NUBP1: variants seen among roughly 807,000 people sequenced by gnomAD.
NUBP1 encodes the protein NUBP iron-sulfur cluster assembly factor 1, cytosolic.
NUBP1 carries 46 observed loss-of-function variants against 41.8 expected under a neutral mutation model. The ratio of observed to expected loss-of-function variants is 1.10; its 90% CI spans 0.87 to 1.41. The LOEUF is 1.41. Ranked by LOEUF, NUBP1 falls within the 40% of genes most tolerant of loss-of-function variation. The pLI, the probability that NUBP1 is intolerant of heterozygous loss-of-function variation, is 0.00. For missense variants in NUBP1, 494 were observed against 414.0 expected, an observed-to-expected ratio of 1.19 and a Z score of -1.68; for synonymous variants, 189 against 154.6, an observed-to-expected ratio of 1.22 and a Z score of -1.65.
intron 2 of NUBP1, 130 bp from the exon 3 acceptor site, chr16:10,747,013 C>T: frequency 9.7e-7 from 1 of 1,027,422 alleles, no homozygotes; most frequent in Non-Finnish European, 1.4e-6. Context: ...AGAGGTATTT[C>T]AGAGGATCGT....
At chr16:10,744,563 A>G (rs969746373) in intron 2 of NUBP1, among the ~76,000 whole-genome samples, 1 of 152,162 alleles carries the variant, frequency 6.6e-6, no homozygotes, top group African/African-American at 2.4e-5. Flanking sequence ...TCCTGGGGAC[A>G]CAGCTGGGGA....
chr16:10,769,265 G>A lies in NUBP1; in HGVS notation c.*160G>A. 2 of 615,614 alleles carry A rather than the reference G, an allele frequency of 3.2e-6. No homozygotes were observed. The highest frequency in any genetic ancestry group is 5.8e-6 in the Non-Finnish European group (2 of 344,560). 38.1% of individuals were successfully genotyped at this position (615,614 alleles called of 1,614,324 possible). ...CTTTCTCAGAGACACTTTAATCATTGAGTATTTGTACACTTTTCTTTAGAA... is the reference window on the plus strand; with the variant it reads ...CTTTCTCAGAGACACTTTAATCATTAAGTATTTGTACACTTTTCTTTAGAA... On this transcript the variant is annotated 3_prime_UTR_variant, in exon 11 of 11. Coordinates refer to ENST00000283027, the MANE Select transcript of NUBP1 (RefSeq NM_002484.4).
In NUBP1 at chr16:10,761,360, G is replaced by A. The variant is rs760431991; in HGVS notation, c.607-4G>A. 16 of 1,613,184 alleles carry A rather than the reference G, an allele frequency of 9.9e-6. No homozygotes were observed. The highest frequency in any genetic ancestry group is 3.3e-4 in the Middle Eastern group (2 of 6,060). ...TGGAATCACTGGTCTTTTCACCTTC[G>A]TAGGAGGTGTCACTCCAGGATGTCC... On this transcript the variant is annotated splice_region_variant and splice_polypyrimidine_tract_variant and intron_variant, in intron 7 of 10. Coordinates refer to ENST00000283027, the MANE Select transcript of NUBP1 (RefSeq NM_002484.4).
chr16:10,767,551 TA>T lies in NUBP1; in HGVS notation c.821-397del, dbSNP rs2031083310. The T allele has an allele frequency of 2.2e-6, 1 of 455,928 alleles. No homozygotes were observed. Among genetic ancestry groups the T allele is most frequent in the South Asian group, 6.3e-5 (1 of 15,786 alleles). The allele number at this position is 455,928 out of a possible 1,614,324, so 28.2% of individuals were successfully genotyped here. On this transcript the variant is annotated intron_variant, in intron 9 of 10. Transcript: ENST00000283027. The surrounding 1 kb of genome is among the most constrained non-coding windows in gnomAD (Gnocchi z 4.6). ...TCTGGAAAGACACCTAGAACACTAGTAGCCCTTTTCGGACTTGGCCTTTTAT... is the reference window on the plus strand; with the variant it reads ...TCTGGAAAGACACCTAGAACACTAGTGCCCTTTTCGGACTTGGCCTTTTAT...
chr16:10,752,522 T>C (rs1900365170), intron 3 of NUBP1, 88 bp from the exon 4 acceptor site: 2 of 1,053,182 alleles, frequency 1.9e-6, no homozygotes, highest in Non-Finnish European at 2.9e-6. Context: ...CCTGTCCTTT[T>C]CCTCTAACCC....
In NUBP1 at chr16:10,767,557, T is replaced by A; in HGVS notation, c.821-392T>A. The A allele has an allele frequency of 2.2e-6, 1 of 452,398 alleles. No individual in the cohort carries two copies. Among genetic ancestry groups the A allele is most frequent in the Non-Finnish European group, 3.9e-6 (1 of 258,808 alleles). 28.0% of individuals were successfully genotyped at this position (452,398 alleles called of 1,614,324 possible). ...AAGACACCTAGAACACTAGTAGCCCTTTTCGGACTTGGCCTTTTATGCCAT... is the reference window on the plus strand; with the variant it reads ...AAGACACCTAGAACACTAGTAGCCCATTTCGGACTTGGCCTTTTATGCCAT... On this transcript the variant is annotated intron_variant, in intron 9 of 10. Transcript: ENST00000283027. This position sits in a 1 kb window ranked among gnomAD's most constrained non-coding sequence, Gnocchi z 4.6.
In NUBP1 at chr16:10,768,067, T is replaced by C; in HGVS notation, c.904+35T>C. The C allele has an allele frequency of 1.9e-6, 3 of 1,596,154 alleles. No individual in the cohort carries two copies. The East Asian group carries it at 6.7e-5, about 36-fold the overall frequency. ...TCCATGAGTACTAAATGCAGATGCC[T>C]GTGGGGCAGGAAGCAACATAAAGGA... On this transcript the variant is annotated intron_variant, in intron 10 of 10. Coordinates refer to ENST00000283027, the MANE Select transcript of NUBP1 (RefSeq NM_002484.4). The surrounding 1 kb of genome is among the most constrained non-coding windows in gnomAD (Gnocchi z 4.3).
chr16:10,755,597 C>T, intron 4 of NUBP1, 124 bp from the exon 5 acceptor site: 1 of 988,328 alleles, frequency 1.0e-6, no homozygotes, highest in South Asian at 1.5e-5. Flanking sequence ...TTCGTGGTAC[C>T]ATGTAAGACA....
chr16:10,747,816 G>C (rs146357461), intron 3 of NUBP1, among the ~76,000 whole-genome samples: 187 of 152,308 alleles, frequency 1.2e-3, no homozygotes, highest in African/African-American at 4.2e-3. Flanking sequence ...TTACGTTCAC[G>C]CTTCTTTTTC....
Position 10,752,654 on chromosome 16 carries a change from G to A in NUBP1, c.303G>A (p.Lys101=), listed in dbSNP as rs2233535. 4.9e-3 allele frequency: 7,870 copies of A among 1,613,810 alleles called. 29 individuals are homozygous for A. The highest frequency in any genetic ancestry group is 6.1e-3 in the Non-Finnish European group (7,251 of 1,179,746). The change falls in exon 4 of 11, where the codon AAG becomes AAA. Residue 101 remains lysine, a synonymous_variant. Coordinates refer to ENST00000283027, the MANE Select transcript of NUBP1 (RefSeq NM_002484.4). ...DIDICGPSIP[K]IMGLEGEQVH... Reference sequence around the variant, plus strand: ...ATATATGTGGGCCATCGATTCCCAAGATAATGGGATTGGAAGGAGAGCAGG... The same window carrying A: ...ATATATGTGGGCCATCGATTCCCAAAATAATGGGATTGGAAGGAGAGCAGG...
At chr16:10,761,969 C>T in intron 9 of NUBP1, 110 bp downstream of exon 9, 1 of 813,202 alleles carries the variant, frequency 1.2e-6, no homozygotes, top group South Asian at 1.7e-5. Context: ...GGAGGAGGGT[C>T]AATGGGGCGC....
intron 1 of NUBP1, 28 bp downstream of exon 1, chr16:10,743,910 CG>C: frequency 6.4e-7 from 1 of 1,573,446 alleles, no homozygotes; most frequent in Non-Finnish European, 8.6e-7. Context: ...GCGTGGGTCG[CG>C]GGGCGAAAGT....
In NUBP1 at chr16:10,744,016, C is replaced by T; in HGVS notation, c.75C>T (p.Cys25=). The part of the protein sequence containing the change: ...QAGRGASCQG[C]PNQRLCASGA... The stretch of plus-strand genomic sequence containing the variant: ...GCAGAGGGGCTTCATGTCAGGGATG[C>T]CCCAACCAGCGGCTGTGCGCTTCTG... Residue 25 remains cysteine (C), a synonymous_variant, in exon 2 of 11, where the codon TGC becomes TGT. Coordinates refer to ENST00000283027, the MANE Select transcript of NUBP1 (RefSeq NM_002484.4). 2 of 1,580,224 alleles carry T rather than the reference C, an allele frequency of 1.3e-6. No homozygotes were observed. The highest frequency in any genetic ancestry group is 1.7e-6 in the Non-Finnish European group (2 of 1,168,990).
intron 7 of NUBP1, 86 bp from the exon 8 acceptor site, chr16:10,761,278 C>A: frequency 1.6e-6 from 2 of 1,233,956 alleles, no homozygotes; most frequent in Non-Finnish European, 2.3e-6. Flanking sequence ...CGCAGATCCA[C>A]TGCATTGCAG....
rs957272121 is a variant in NUBP1 at position 10,767,665 on chromosome 16, C to T, written c.821-284C>T. On this transcript the variant is annotated intron_variant, in intron 9 of 10. Coordinates refer to ENST00000283027, the MANE Select transcript of NUBP1 (RefSeq NM_002484.4). This position sits in a 1 kb window ranked among gnomAD's most constrained non-coding sequence, Gnocchi z 4.6. ...AAGCTAATCTCTTAAAATGCAGACT[C>T]CTGGGCCCATGTGGAAGCTGCTGAA... 23 of 504,664 alleles carry T rather than the reference C, an allele frequency of 4.6e-5. No homozygotes were observed. The highest frequency in any genetic ancestry group is 7.0e-5 in the Non-Finnish European group (20 of 284,914). The allele number at this position is 504,664 out of a possible 1,614,324, so 31.3% of individuals were successfully genotyped here.
intron 4 of NUBP1, among the ~76,000 whole-genome samples, 179 bp downstream of exon 4, chr16:10,752,857 G>A (rs988460549): frequency 1.3e-5 from 2 of 152,198 alleles, no homozygotes; most frequent in African/African-American, 2.4e-5. Flanking sequence ...GTGCAGTGGT[G>A]CAACCTCAGC....
At chr16:10,762,143 A>G (rs538987799) in intron 9 of NUBP1, 427 of 293,940 alleles carry the variant, frequency 1.5e-3, no homozygotes, top group African/African-American at 8.5e-3. Context: ...GGGACTGAGG[A>G]GGGCACCCGA....
intron 3 of NUBP1, among the ~76,000 whole-genome samples, chr16:10,750,624 AGT>A (rs1900275561): frequency 6.6e-6 from 1 of 152,078 alleles, no homozygotes; most frequent in Non-Finnish European, 1.5e-5. Context: ...TTCAGGACTG[AGT>A]GTGCGAGGCC....
At chr16:10,753,406 C>T (rs961442640) in intron 4 of NUBP1, among the ~76,000 whole-genome samples, 4 of 152,006 alleles carry the variant, frequency 2.6e-5, no homozygotes, top group African/African-American at 9.7e-5. Flanking sequence ...GACTGCAGGG[C>T]GGGTGAGCGA....
Sources: gnomAD v4.1 joint callset for allele counts (sites outside exome capture counted in the v4.1 genomes callset) on GRCh38, gnomAD v4.1.1 for gene constraint, Gnocchi (gnomAD v3.1) non-coding constraint, MANE v1.5 for transcripts, NCBI Gene and HGNC (gene_info 2026-07-23, HGNC 2026-07-21) for gene names.